TM4SF4: variants seen among roughly 807,000 people sequenced by gnomAD.
TM4SF4 encodes transmembrane 4 L six family member 4.
TM4SF4 carries 24 observed loss-of-function variants against 24.1 expected under a neutral mutation model. The observed-to-expected ratio is 1.00, with a 90% CI of 0.72 to 1.40. The LOEUF is 1.40. Ranked by LOEUF, TM4SF4 falls within the 40% of genes most tolerant of loss-of-function variation. The pLI is 0.00. For synonymous variants in TM4SF4, 113 were observed against 97.0 expected, an observed-to-expected ratio of 1.17 and a Z score of -0.97; for missense variants, 254 against 254.2, an observed-to-expected ratio of 1.00 and a Z score of 0.01.
intron 3 of TM4SF4, among the ~76,000 whole-genome samples, chr3:149,493,090 C>G (rs1387027689): frequency 6.6e-6 from 1 of 152,168 alleles, no homozygotes; most frequent in Non-Finnish European, 1.5e-5. Flanking sequence ...GCACTCAGCA[C>G]AGTTCCTACC....
chr3:149,497,730 C>T (rs1734336491), intron 3 of TM4SF4, among the ~76,000 whole-genome samples: 1 of 152,066 alleles, frequency 6.6e-6, no homozygotes, highest in African/African-American at 2.4e-5. Context: ...CTGCAACCTC[C>T]ACCTCCCGGG....
chr3:149,480,732 T>G (rs1734019499), intron 2 of TM4SF4, among the ~76,000 whole-genome samples: 3 of 152,322 alleles, frequency 2.0e-5, no homozygotes, highest in Admixed American at 2.0e-4. Context: ...AGACATTTCC[T>G]TTAGAGAAAT....
intron 2 of TM4SF4, among the ~76,000 whole-genome samples, chr3:149,483,041 A>G (rs1734062116): frequency 6.6e-6 from 1 of 152,158 alleles, no homozygotes; most frequent in Non-Finnish European, 1.5e-5. Flanking sequence ...AAAATGTGCC[A>G]AGACCCCCCT....
intron 2 of TM4SF4, among the ~76,000 whole-genome samples, chr3:149,477,634 T>A (rs1331443190): frequency 6.6e-6 from 1 of 152,178 alleles, no homozygotes. Flanking sequence ...AAATATAACA[T>A]CATGAGTCCC....
chr3:149,495,761 C>T (rs141731799), intron 3 of TM4SF4: 114 of 233,904 alleles, frequency 4.9e-4, no homozygotes, highest in Non-Finnish European at 7.7e-4. Context: ...AAAGATCGAT[C>T]ATCGTTCTAG....
chr3:149,495,055 C>A, intron 3 of TM4SF4: 1 of 248,872 alleles, frequency 4.0e-6, no homozygotes, highest in South Asian at 6.1e-5. Context: ...ACATGCCCTT[C>A]GTGCTTACAC....
intron 3 of TM4SF4, among the ~76,000 whole-genome samples, chr3:149,498,291 G>C (rs972356652): frequency 1.3e-5 from 2 of 152,182 alleles, no homozygotes; most frequent in African/African-American, 2.4e-5. Flanking sequence ...ATAAAGCTGT[G>C]AACATTTGTG....
intron 3 of TM4SF4, chr3:149,494,751 A>T (rs945157215): frequency 2.6e-5 from 4 of 152,488 alleles, no homozygotes; most frequent in African/African-American, 9.7e-5. Context: ...ATCGACAAAC[A>T]TGATATAAAT....
chr3:149,495,905 A>C (rs796299400), intron 3 of TM4SF4: 7 of 210,090 alleles, frequency 3.3e-5, no homozygotes, highest in African/African-American at 1.6e-4. Flanking sequence ...GATATGAGAC[A>C]GACAGTCGCT....
At chr3:149,485,349 T>C (rs1734097287) in intron 2 of TM4SF4, among the ~76,000 whole-genome samples, 2 of 152,236 alleles carry the variant, frequency 1.3e-5, no homozygotes, top group South Asian at 4.1e-4. Context: ...TTTACCAAAA[T>C]GTTCACTTAC....
chr3:149,483,524 G>GAAAAA (rs200330861), intron 2 of TM4SF4, among the ~76,000 whole-genome samples: 2 of 136,456 alleles, frequency 1.5e-5, no homozygotes, highest in African/African-American at 5.5e-5. Flanking sequence ...GGAGTCACAG[G>GAAAAA]AAAAAAAAAA....
intron 2 of TM4SF4, among the ~76,000 whole-genome samples, chr3:149,477,978 T>C (rs1733963964): frequency 7.4e-6 from 1 of 134,300 alleles, no homozygotes. Context: ...GGCTAAAGAC[T>C]GGCTAATATA....
intron 2 of TM4SF4, among the ~76,000 whole-genome samples, chr3:149,481,277 A>G (rs192700983): frequency 7.9e-6 from 1 of 126,886 alleles, no homozygotes; most frequent in East Asian, 1.9e-4. Context: ...CATTTGGTGT[A>G]AGGGAAGTAC....
chr3:149,491,109 A>C (rs368659587), intron 3 of TM4SF4, among the ~76,000 whole-genome samples: 5 of 152,042 alleles, frequency 3.3e-5, no homozygotes, highest in Non-Finnish European at 7.4e-5. Flanking sequence ...CAAGAAGGTT[A>C]ATTTTCCCAG....
Position 149,487,757 on chromosome 3 carries a change from TA to T in TM4SF4, c.401+4del. On this transcript the variant is annotated splice_donor_region_variant and intron_variant, in intron 3 of 4. Transcript: ENST00000305354. The stretch of plus-strand genomic sequence containing the variant: ...ATGGGGCTACCCCTTCCACGACGGG[TA>T]AGGCCACACCCTGCAATGCCCACCT... 1 of 1,613,884 alleles carries T rather than the reference TA, an allele frequency of 6.2e-7. No individual in the cohort carries two copies. The highest frequency in any genetic ancestry group is 1.1e-5 in the South Asian group (1 of 91,078).
At chr3:149,488,237 A>C (rs1054591090) in intron 3 of TM4SF4, among the ~76,000 whole-genome samples, 1 of 152,234 alleles carries the variant, frequency 6.6e-6, no homozygotes, top group Admixed American at 6.5e-5. Context: ...AAATCATTGT[A>C]GGTTTCTCAT....
At chr3:149,496,467 A>T (rs769921546) in intron 3 of TM4SF4, among the ~76,000 whole-genome samples, 1 of 152,178 alleles carries the variant, frequency 6.6e-6, no homozygotes, top group Non-Finnish European at 1.5e-5. Flanking sequence ...AGCAAAGTTT[A>T]ATGAGAAAAA....
At chr3:149,481,990 G>T (rs1289119834) in intron 2 of TM4SF4, among the ~76,000 whole-genome samples, 1 of 152,160 alleles carries the variant, frequency 6.6e-6, no homozygotes, top group Non-Finnish European at 1.5e-5. Context: ...TTGATCAAGT[G>T]CTTGTTAATG....
chr3:149,484,458 A>G (rs1576518702), intron 2 of TM4SF4, among the ~76,000 whole-genome samples: 1 of 151,928 alleles, frequency 6.6e-6, no homozygotes, highest in Non-Finnish European at 1.5e-5. Context: ...ATCTTGGCTC[A>G]CTGCAACCTC....
Sources: gnomAD v4.1 joint callset for allele counts (sites outside exome capture counted in the v4.1 genomes callset) on GRCh38, gnomAD v4.1.1 for gene constraint, MANE v1.5 for transcripts, NCBI Gene and HGNC (gene_info 2026-07-23, HGNC 2026-07-21) for gene names.